Variants in ACTG2 observed in about 807,000 individuals in gnomAD.
The protein encoded by ACTG2 is actin gamma 2, smooth muscle.
ACTG2 carries 16 observed loss-of-function variants against 37.6 expected under a neutral mutation model. The observed-to-expected ratio is 0.43, with a 90% CI of 0.29 to 0.65. The LOEUF (loss-of-function observed/expected upper bound fraction) is 0.65. ACTG2 is among the 30% of genes least tolerant of loss of function. The probability of loss-of-function intolerance (pLI) is 0.18; values close to 1 mark genes in which losing one functional copy is unlikely to be tolerated. For synonymous variants in ACTG2, 181 were observed against 179.9 expected (o/e 1.01, Z -0.05); for missense variants, 238 against 490.9 (o/e 0.48, Z 4.87).
intron 4 of ACTG2, 128 bp downstream of exon 4, chr2:73,908,911 C>G (rs1680071278): frequency 8.3e-7 from 1 of 1,198,960 alleles, no homozygotes; most frequent in East Asian, 2.4e-5. Flanking sequence ...GTGGTCCATG[C>G]CAGGCCCTGG....
chr2:73,916,487 G>A, intron 7 of ACTG2, 97 bp from the exon 8 acceptor site: 1 of 1,076,282 alleles, frequency 9.3e-7, no homozygotes, highest in Non-Finnish European at 1.3e-6. Context: ...TCTGAACTAG[G>A]GTAGTTGCAA....
At chr2:73,894,415 G>C (rs1679696786) in intron 1 of ACTG2, among the ~76,000 whole-genome samples, 1 of 152,170 alleles carries the variant, frequency 6.6e-6, no homozygotes, top group African/African-American at 2.4e-5. Flanking sequence ...GATCCTACAT[G>C]CCAGGCCTGA....
At chr2:73,905,200 C>G (rs72903341) in intron 3 of ACTG2, among the ~76,000 whole-genome samples, 3,612 of 151,988 alleles carry the variant, frequency 0.024, 133 homozygotes, top group African/African-American at 0.081. Flanking sequence ...TACCATTTCA[C>G]CAAACACATG....
intron 1 of ACTG2, among the ~76,000 whole-genome samples, chr2:73,893,487 T>C (rs1679672787): frequency 6.6e-6 from 1 of 152,214 alleles, no homozygotes; most frequent in Non-Finnish European, 1.5e-5. Flanking sequence ...GTGAGCTGTT[T>C]AGTCCATGAA....
At chr2:73,918,675 GC>G (rs1680320551) in intron 8 of ACTG2, among the ~76,000 whole-genome samples, 1 of 152,126 alleles carries the variant, frequency 6.6e-6, no homozygotes, top group African/African-American at 2.4e-5. Flanking sequence ...TAAAAGCTAA[GC>G]CCAGGATTCC....
In ACTG2 at chr2:73,909,135, G is replaced by A. The variant is rs761490367; in HGVS notation, c.447G>A (p.Thr149=). ...AVLSLYASGR[T]TGIVLDSGDG... ...TCTCCCTCTATGCCTCTGGCCGCAC[G>A]ACAGGTGAGTAATCCTGTAATCCAT... The change falls in exon 5 of 9, where the codon ACG becomes ACA. Residue 149 remains threonine, a synonymous_variant. Transcript: ENST00000345517. The A allele has an allele frequency of 3.5e-5, 57 of 1,611,890 alleles. No homozygotes were observed. Among genetic ancestry groups the A allele is most frequent in the Non-Finnish European group, 4.3e-5 (51 of 1,178,066 alleles).
In ACTG2 at chr2:73,907,302, C is replaced by T. The variant is rs116429102; in HGVS notation, c.256-1371C>T. Among the ~76,000 whole-genome samples, 719 of 152,212 alleles carry T rather than the reference C, an allele frequency of 4.7e-3. 2 individuals are homozygous for T. Among genetic ancestry groups the T allele is most frequent in the African/African-American group, 0.014 (593 of 41,520 alleles). On this transcript the variant is annotated intron_variant, in intron 3 of 8. Coordinates refer to ENST00000345517, the MANE Select transcript of ACTG2 (RefSeq NM_001615.4). ...TACCACCGTCTTAGCACAAACCTGG[C>T]GGTCCATAAATACATGGGTCCAATG...
At chr2:73,912,126 G>A (rs775274340) in intron 5 of ACTG2, among the ~76,000 whole-genome samples, 1 of 152,190 alleles carries the variant, frequency 6.6e-6, no homozygotes, top group Non-Finnish European at 1.5e-5. Context: ...GGCATATACA[G>A]TGTCGTATCC....
chr2:73,895,250 G>A (rs1450819376), intron 1 of ACTG2, among the ~76,000 whole-genome samples: 1 of 152,100 alleles, frequency 6.6e-6, no homozygotes, highest in Non-Finnish European at 1.5e-5. Context: ...CTCAAGAGAG[G>A]GGTCTGGACA....
chr2:73,894,856 T>A (rs1244396860), intron 1 of ACTG2, among the ~76,000 whole-genome samples: 1 of 152,102 alleles, frequency 6.6e-6, no homozygotes, highest in Non-Finnish European at 1.5e-5. Context: ...AGGGCTGGAT[T>A]ACAAGGGCTT....
intron 3 of ACTG2, among the ~76,000 whole-genome samples, chr2:73,904,769 GTGTGTGTGTATATATATATA>G (rs61534167): frequency 0.086 from 3,093 of 36,138 alleles, 51 homozygotes; most frequent in African/African-American, 0.09. Flanking sequence ...GTGTGTGTGT[GTGTGTGTGTATATATATATA>G]TATATATATA....
intron 1 of ACTG2, among the ~76,000 whole-genome samples, chr2:73,893,870 C>T (rs963984879): frequency 2.6e-5 from 4 of 152,178 alleles, no homozygotes; most frequent in African/African-American, 7.2e-5. Flanking sequence ...GGGGCCACTT[C>T]TATGTTTGGC....
rs575181145 is a variant in ACTG2 at position 73,903,635 on chromosome 2, C to T, written c.255+1147C>T. Among the ~76,000 whole-genome samples, 7 of 152,294 alleles carry T rather than the reference C, an allele frequency of 4.6e-5. No homozygotes were observed. The South Asian group carries it at 1.4e-3, about 32-fold the overall frequency. The stretch of plus-strand genomic sequence containing the variant: ...ACACATATGATTCATATATATGTAA[C>T]AGTATCTAATTTAAAAACATAATAG... On this transcript the variant is annotated intron_variant, in intron 3 of 8. Coordinates refer to ENST00000345517, the MANE Select transcript of ACTG2 (RefSeq NM_001615.4).
At position 73,901,570 on chromosome 2, in the gene ACTG2, G is replaced by GTGTGTC. The variant is rs1679880203; in HGVS notation, c.126+138_126+139insCTGTGT. On this transcript the variant is annotated intron_variant, in intron 2 of 8. Coordinates refer to ENST00000345517, the MANE Select transcript of ACTG2 (RefSeq NM_001615.4). ...TGTGTGTGTGTGTGTGTGTGTGTGT[G>GTGTGTC]TGTGTGTGTGTCTGTGCGTGTGTGT... 3.1e-5 allele frequency: 3 copies of GTGTGTC among 97,210 alleles called. No individual in the cohort carries two copies. In the African/African-American group the frequency reaches 3.6e-4, roughly 12 times the overall value. The allele number at this position is 97,210 out of a possible 1,614,324, so 6.0% of individuals were successfully genotyped here.
At chr2:73,914,928 TGAGGTATG>T in intron 7 of ACTG2, 57 bp downstream of exon 7, 1 of 1,424,582 alleles carries the variant, frequency 7.0e-7, no homozygotes, top group Non-Finnish European at 9.3e-7. Context: ...GAGGAGTGGG[TGAGGTATG>T]GAGAGAGAAA....
chr2:73,893,894 A>G (rs1481814196), intron 1 of ACTG2, among the ~76,000 whole-genome samples: 4 of 152,182 alleles, frequency 2.6e-5, no homozygotes, highest in Non-Finnish European at 5.9e-5. Context: ...AGAATTCACT[A>G]GCATCTCTTC....
At chr2:73,910,365 C>CTTTTTT (rs1190070765) in intron 5 of ACTG2, among the ~76,000 whole-genome samples, 2 of 80,692 alleles carry the variant, frequency 2.5e-5, no homozygotes, top group Admixed American at 1.9e-4. Flanking sequence ...CTTTTTTCGA[C>CTTTTTT]TTTTTTTTTT....
At chr2:73,910,496 CTTTTT>C (rs1207318059) in intron 5 of ACTG2, among the ~76,000 whole-genome samples, 1 of 80,590 alleles carries the variant, frequency 1.2e-5, no homozygotes. Context: ...CCTCCCATGA[CTTTTT>C]TTTTTTTTTT....
intron 3 of ACTG2, 69 bp from the exon 4 acceptor site, chr2:73,908,604 G>C: frequency 7.6e-7 from 1 of 1,311,108 alleles, no homozygotes; most frequent in Non-Finnish European, 1.1e-6. Flanking sequence ...CTCCCAGCAT[G>C]GGAATGTCAA....
Sources: gnomAD v4.1 joint callset for allele counts (sites outside exome capture counted in the v4.1 genomes callset) on GRCh38, gnomAD v4.1.1 for gene constraint, MANE v1.5 for transcripts, NCBI Gene and HGNC (gene_info 2026-07-23, HGNC 2026-07-21) for gene names.